AGPAT3: variants seen among roughly 807,000 people sequenced by gnomAD.
AGPAT3 encodes the protein 1-acylglycerol-3-phosphate O-acyltransferase 3, also known as 1-acyl-sn-glycerol-3-phosphate acyltransferase gamma.
Under a neutral mutation model 47.3 loss-of-function variants are expected in AGPAT3, and 5 were observed. That is an observed-to-expected ratio of 0.11 (90% CI 0.06 to 0.22). The LOEUF is 0.22. AGPAT3 is among the 10% of genes least tolerant of loss of function. The probability of loss-of-function intolerance (pLI) is 1.00; values close to 1 mark genes in which losing one functional copy is unlikely to be tolerated. For synonymous variants in AGPAT3, 212 were observed against 208.3 expected (o/e 1.02, Z -0.15); for missense variants, 315 against 493.0 (o/e 0.64, Z 3.42).
At chr21:43,886,948 G>C (rs2085992266) in intron 1 of AGPAT3, among the ~76,000 whole-genome samples, 1 of 152,130 alleles carries the variant, frequency 6.6e-6, no homozygotes, top group African/African-American at 2.4e-5. Context: ...CCTTTCTTTT[G>C]GGTATATACC....
In AGPAT3 at chr21:43,891,967, A is replaced by G. The variant is rs377401492; in HGVS notation, c.-111-11990A>G. Among the ~76,000 whole-genome samples, 4 of 152,272 alleles carry G rather than the reference A, an allele frequency of 2.6e-5. No homozygotes were observed. In the East Asian group the frequency reaches 5.8e-4, roughly 22 times the overall value. ...AGAGGAATCACTATCCATGGCAGCT[A>G]TATTCCTATACAATGTATTTCTTAA... On this transcript the variant is annotated intron_variant, in intron 1 of 9. Coordinates refer to ENST00000291572, the MANE Select transcript of AGPAT3 (RefSeq NM_020132.5).
chr21:43,871,178 G>A (rs2085616869), intron 1 of AGPAT3, among the ~76,000 whole-genome samples: 1 of 152,192 alleles, frequency 6.6e-6, no homozygotes, highest in African/African-American at 2.4e-5. Context: ...CTAATTAAAT[G>A]AGGACAAAAC....
At chr21:43,951,286 T>C (rs562374931) in intron 2 of AGPAT3, among the ~76,000 whole-genome samples, 9 of 152,330 alleles carry the variant, frequency 5.9e-5, no homozygotes, top group Admixed American at 4.6e-4. Context: ...GGACTTGGAT[T>C]TGGATCACTG....
Position 43,986,331 on chromosome 21 carries a change from G to A in AGPAT3, c.*3939G>A, listed in dbSNP as rs920631250. Reference sequence around the variant, plus strand: ...AGTTACCAGGGACATTGGTGTCGCCGGCCCAGGCAACAGCAGCGTACGCTT... The same window carrying A: ...AGTTACCAGGGACATTGGTGTCGCCAGCCCAGGCAACAGCAGCGTACGCTT... On this transcript the variant is annotated 3_prime_UTR_variant, in exon 10 of 10. Coordinates refer to ENST00000291572, the MANE Select transcript of AGPAT3 (RefSeq NM_020132.5). 3 of 152,342 alleles carry A rather than the reference G, an allele frequency of 2.0e-5. No homozygotes were observed. The highest frequency in any genetic ancestry group is 4.4e-5 in the Non-Finnish European group (3 of 68,040). 9.4% of individuals were successfully genotyped at this position (152,342 alleles called of 1,614,324 possible).
At chr21:43,957,337 G>C (rs377476204) in intron 2 of AGPAT3, among the ~76,000 whole-genome samples, 169 of 152,288 alleles carry the variant, frequency 1.1e-3, no homozygotes, top group African/African-American at 3.8e-3. Context: ...AACAGGGGCC[G>C]CCCTGGGAAT....
chr21:43,915,474 C>CAT (rs2086708167), intron 2 of AGPAT3, among the ~76,000 whole-genome samples: 1 of 113,308 alleles, frequency 8.8e-6, no homozygotes, highest in African/African-American at 3.5e-5. Flanking sequence ...TGCAGTGGTG[C>CAT]GATCTCGGGT....
intron 2 of AGPAT3, among the ~76,000 whole-genome samples, chr21:43,923,315 C>T (rs749564218): frequency 6.6e-6 from 1 of 152,180 alleles, no homozygotes; most frequent in Admixed American, 6.5e-5. Context: ...AAGCAGCCTG[C>T]GCTGATGTCA....
At chr21:43,883,868 A>G (rs2085907075) in intron 1 of AGPAT3, among the ~76,000 whole-genome samples, 1 of 152,230 alleles carries the variant, frequency 6.6e-6, no homozygotes, top group Admixed American at 6.5e-5. Context: ...TGCTGGGATT[A>G]CAGGTGAGAG....
chr21:43,927,400 C>A (rs1386966364), intron 2 of AGPAT3, among the ~76,000 whole-genome samples: 1 of 152,062 alleles, frequency 6.6e-6, no homozygotes, highest in African/African-American at 2.4e-5. Flanking sequence ...GGGTCTGTCT[C>A]CCCCAGGCTG....
At chr21:43,973,520 C>T (rs574010388) in intron 7 of AGPAT3, among the ~76,000 whole-genome samples, 8 of 152,352 alleles carry the variant, frequency 5.3e-5, no homozygotes, top group African/African-American at 1.4e-4. Flanking sequence ...CCCGGCCACC[C>T]GCCAAGCTGC....
rs2088375749 is a variant in AGPAT3, at chr21:43,955,034, G to A, written c.-48-4600G>A. On this transcript the variant is annotated intron_variant, in intron 2 of 9. Transcript: ENST00000291572. The surrounding 1 kb of genome is among the most constrained non-coding windows in gnomAD (Gnocchi z 4.1). ...CACACAGAGGCTGGGACGTGAATGT[G>A]CATCACGGCTCTATCTGTGGCCCCC... The A allele has an allele frequency of 3.4e-6, 4 of 1,183,910 alleles. No individual in the cohort carries two copies. Among genetic ancestry groups the A allele is most frequent in the African/African-American group, 3.2e-5 (2 of 62,488 alleles). 73.3% of individuals were successfully genotyped at this position (1,183,910 alleles called of 1,614,324 possible). A position where few individuals can be genotyped will look rare whatever the true frequency, so the allele number is the denominator to read the frequency against.
At chr21:43,877,326 A>G (rs893874438) in intron 1 of AGPAT3, among the ~76,000 whole-genome samples, 1 of 152,246 alleles carries the variant, frequency 6.6e-6, no homozygotes, top group Non-Finnish European at 1.5e-5. Context: ...TGTATTCGGT[A>G]GCTGAAGAAC....
chr21:43,878,475 C>A (rs547401059), intron 1 of AGPAT3, among the ~76,000 whole-genome samples: 125 of 152,370 alleles, frequency 8.2e-4, no homozygotes, highest in Non-Finnish European at 3.1e-4. Context: ...GTGGCCAGCC[C>A]TGTCAATGGA....
intron 2 of AGPAT3, among the ~76,000 whole-genome samples, chr21:43,943,264 C>T (rs555199225): frequency 1.4e-4 from 22 of 152,082 alleles, no homozygotes; most frequent in South Asian, 2.1e-4. Flanking sequence ...TTAATAGAGA[C>T]GGGGTTTCAC....
intron 2 of AGPAT3, among the ~76,000 whole-genome samples, chr21:43,910,880 G>T (rs1266002699): frequency 1.3e-5 from 2 of 152,048 alleles, no homozygotes; most frequent in Admixed American, 1.3e-4. Flanking sequence ...AGGTTAAGGC[G>T]CACAAGTTAA....
chr21:43,896,943 G>GTTTTTTTTTTTTTTTTTTTTTT (rs61657564), intron 1 of AGPAT3, among the ~76,000 whole-genome samples: 1 of 42,322 alleles, frequency 2.4e-5, no homozygotes. Flanking sequence ...TTGACAGTCC[G>GTTTTTTTTTTTTTTTTTTTTTT]TTTTTTTTTT....
rs2030397820 is a variant in AGPAT3, at chr21:43,987,408, A to G, written c.*5016A>G. Among the ~76,000 whole-genome samples, 1 of 152,238 alleles carries G rather than the reference A, an allele frequency of 6.6e-6. No individual in the cohort carries two copies. Among genetic ancestry groups the G allele is most frequent in the South Asian group, 2.1e-4 (1 of 4,834 alleles). ...ATCAGCCAGTCCACAAAAATACGCA[A>G]AATGACCTGATGATGTCCAAAAAAG... On this transcript the variant is annotated 3_prime_UTR_variant, in exon 10 of 10. Coordinates refer to ENST00000291572, the MANE Select transcript of AGPAT3 (RefSeq NM_020132.5).
At chr21:43,928,443 C>T (rs2087129319) in intron 2 of AGPAT3, among the ~76,000 whole-genome samples, 1 of 152,226 alleles carries the variant, frequency 6.6e-6, no homozygotes. Flanking sequence ...TTCACCAAGA[C>T]ATTCTGCAGA....
chr21:43,909,209 G>A (rs561219819), intron 2 of AGPAT3, among the ~76,000 whole-genome samples: 27 of 152,222 alleles, frequency 1.8e-4, no homozygotes, highest in South Asian at 1.2e-3. Context: ...TGGCTTCCTC[G>A]GAAGCTACAG....
Sources: allele counts gnomAD v4.1 joint callset (sites outside exome capture counted in the v4.1 genomes callset), GRCh38; gene constraint gnomAD v4.1.1; non-coding constraint Gnocchi (gnomAD v3.1); transcripts MANE v1.5; gene names NCBI Gene and HGNC (gene_info 2026-07-23, HGNC 2026-07-21).